The following BTBD7 variants were observed in gnomAD, a reference collection of about 807,000 sequenced individuals.
The protein encoded by BTBD7 is BTB domain containing 7.
A neutral mutation model predicts 99.9 loss-of-function variants in BTBD7; 38 were observed. That is an observed-to-expected ratio of 0.38 (90% CI 0.29 to 0.50). The LOEUF (loss-of-function observed/expected upper bound fraction) is 0.50. Among genes scored for constraint, BTBD7 ranks in the 20% least tolerant of loss-of-function variants. The pLI is 0.93. For missense variants in BTBD7, 1,170 were observed against 1,394.6 expected, an observed-to-expected ratio of 0.84 and a Z score of 2.57; for synonymous variants, 520 against 511.4, an observed-to-expected ratio of 1.02 and a Z score of -0.23.
chr14:93,283,344 T>C (rs1252187437), intron 3 of BTBD7, among the ~76,000 whole-genome samples: 2 of 152,198 alleles, frequency 1.3e-5, no homozygotes, highest in African/African-American at 2.4e-5. Flanking sequence ...TCCCAAAGTG[T>C]TGGGATTACA....
At chr14:93,303,591 T>C (rs1012546415) in intron 1 of BTBD7, among the ~76,000 whole-genome samples, 3 of 152,238 alleles carry the variant, frequency 2.0e-5, no homozygotes, top group Non-Finnish European at 2.9e-5. Flanking sequence ...TCTTAAAAGA[T>C]GTTAAAATAT....
At chr14:93,318,722 G>C (rs891420962) in intron 1 of BTBD7, among the ~76,000 whole-genome samples, 2 of 152,194 alleles carry the variant, frequency 1.3e-5, no homozygotes, top group African/African-American at 4.8e-5. Context: ...ACATCAAACT[G>C]AGAAATCATC....
At chr14:93,328,833 G>C (rs577903648) in intron 1 of BTBD7, among the ~76,000 whole-genome samples, 15 of 152,054 alleles carry the variant, frequency 9.9e-5, no homozygotes, top group Non-Finnish European at 1.8e-4. Context: ...TGTGAGGGCT[G>C]TTTGAGACCA....
intron 5 of BTBD7, among the ~76,000 whole-genome samples, chr14:93,257,879 C>A (rs1369996669): frequency 1.3e-5 from 2 of 151,006 alleles, no homozygotes; most frequent in African/African-American, 5.0e-5. Context: ...TTATGAAAAT[C>A]TCCCAAATTT....
chr14:93,324,428 A>AAAAT (rs371147922), intron 1 of BTBD7, among the ~76,000 whole-genome samples: 5 of 151,296 alleles, frequency 3.3e-5, no homozygotes, highest in Non-Finnish European at 5.9e-5. Flanking sequence ...TCTCAAAAAA[A>AAAAT]AAAAAAAGAG....
At chr14:93,282,670 ACT>A (rs1198777330) in intron 3 of BTBD7, among the ~76,000 whole-genome samples, 1 of 151,584 alleles carries the variant, frequency 6.6e-6, no homozygotes, top group Non-Finnish European at 1.5e-5. Context: ...CTGTATCTCA[ACT>A]CTGAGTTTGA....
chr14:93,270,387 C>T (rs565413717), intron 3 of BTBD7, among the ~76,000 whole-genome samples: 7 of 152,180 alleles, frequency 4.6e-5, no homozygotes, highest in East Asian at 3.9e-4. Context: ...TGAGCCACTG[C>T]GCCTGGCCAA....
chr14:93,321,962 G>A (rs569699022), intron 1 of BTBD7, among the ~76,000 whole-genome samples: 3 of 152,144 alleles, frequency 2.0e-5, no homozygotes, highest in African/African-American at 7.2e-5. Flanking sequence ...CTATGAGAAG[G>A]CCCACGGAGA....
rs2139666123 is a variant in BTBD7, at chr14:93,241,130, C to T, written c.*1143G>A. ...TTCTGTCAGTGTGACCTTTAAGTTA[C>T]TTCTCTATTTCCACTGCCTTTTTTT... On this transcript the variant is annotated 3_prime_UTR_variant, in exon 11 of 11. Transcript: ENST00000334746. 1 of 150,996 alleles carries T rather than the reference C, an allele frequency of 6.6e-6. No individual in the cohort carries two copies. Among genetic ancestry groups the T allele is most frequent in the South Asian group, 2.1e-4 (1 of 4,788 alleles). The allele number at this position is 150,996 out of a possible 1,614,324, so 9.4% of individuals were successfully genotyped here. A position where few individuals can be genotyped will look rare whatever the true frequency, so the allele number is the denominator to read the frequency against.
Position 93,242,930 on chromosome 14 carries a change from A to G in BTBD7, c.2742T>C (p.Cys914=), listed in dbSNP as rs1356904818. 2.5e-6 allele frequency: 4 copies of G among 1,614,036 alleles called. No individual in the cohort carries two copies. The South Asian group carries it at 4.4e-5, about 18-fold the overall frequency. Residue 914 remains cysteine, a synonymous_variant, in exon 11 of 11, where the codon TGT becomes TGC. Coordinates refer to ENST00000334746, the MANE Select transcript of BTBD7 (RefSeq NM_001002860.4). ...AGPGPPQHLS[C]IPQRHTHTSR... ...AAGTGTGTGTATGTCTCTGTGGAAT[A>G]CACGACAGATGCTGGGGAGGCCCTG...
rs747615760 is a variant in BTBD7 at position 93,294,247 on chromosome 14, T to C, written c.773A>G (p.Glu258Gly). Residue 258 changes from glutamate (E) to glycine (G), a missense_variant, in exon 3 of 11, where the codon GAA becomes GGA. Glu to Gly is a moderately conservative substitution (Grantham distance 98). Coordinates refer to ENST00000334746, the MANE Select transcript of BTBD7 (RefSeq NM_001002860.4). Reference protein sequence around the residue: ...DVVLSFSSDSELVEAFGGNQN... With the variant: ...DVVLSFSSDSGLVEAFGGNQN... ...ATTTCCACCAAAAGCTTCAACCAGT[T>C]CAGAGTCTGAAGAAAAACTAAGGAC... The C allele has an allele frequency of 4.3e-6, 7 of 1,613,844 alleles. No homozygotes were observed. Among genetic ancestry groups the C allele is most frequent in the Non-Finnish European group, 5.9e-6 (7 of 1,179,942 alleles).
At chr14:93,272,294 A>C (rs1256983791) in intron 3 of BTBD7, among the ~76,000 whole-genome samples, 1 of 152,208 alleles carries the variant, frequency 6.6e-6, no homozygotes, top group East Asian at 1.9e-4. Context: ...ACACAAAAAC[A>C]AACCTACATC....
intron 1 of BTBD7, among the ~76,000 whole-genome samples, chr14:93,311,169 GT>G (rs2053133935): frequency 6.6e-6 from 1 of 152,134 alleles, no homozygotes; most frequent in Non-Finnish European, 1.5e-5. Context: ...TATGTGACAG[GT>G]TTTAATCCTT....
intron 1 of BTBD7, among the ~76,000 whole-genome samples, chr14:93,321,992 A>G (rs1297274336): frequency 6.6e-6 from 1 of 152,234 alleles, no homozygotes; most frequent in Non-Finnish European, 1.5e-5. Context: ...TGGATTCCTG[A>G]AGGAAATAAA....
intron 1 of BTBD7, among the ~76,000 whole-genome samples, chr14:93,317,653 G>A (rs1440102215): frequency 6.6e-6 from 1 of 152,190 alleles, no homozygotes. Context: ...GCAGGCCTAA[G>A]ACTGCTATCT....
Position 93,333,015 on chromosome 14 carries a change from T to C in BTBD7, c.-302A>G. 1 of 524,978 alleles carries C rather than the reference T, an allele frequency of 1.9e-6. No individual in the cohort carries two copies. Among genetic ancestry groups the C allele is most frequent in the Non-Finnish European group, 3.2e-6 (1 of 308,552 alleles). 32.5% of individuals were successfully genotyped at this position (524,978 alleles called of 1,614,324 possible). On this transcript the variant is annotated 5_prime_UTR_variant, in exon 1 of 11. It removes an upstream start codon present in the reference 5' UTR. Transcript: ENST00000334746. ...CTGCTCCAGGTTCCCCTCGCCGCCA[T>C]TTTGACTCCTAGACGGAGCAGGAGG... is the stretch of plus-strand genomic sequence containing the variant.
intron 3 of BTBD7, among the ~76,000 whole-genome samples, chr14:93,291,463 C>T (rs1351977038): frequency 6.6e-6 from 1 of 152,040 alleles, no homozygotes; most frequent in Non-Finnish European, 1.5e-5. Context: ...AAAATCCTAC[C>T]TCAAGCGAGC....
At chr14:93,265,711 C>T (rs1028799635) in intron 3 of BTBD7, among the ~76,000 whole-genome samples, 1 of 152,270 alleles carries the variant, frequency 6.6e-6, no homozygotes, top group African/African-American at 2.4e-5. Context: ...CACCTGAGGT[C>T]AGGAGTTCGA....
intron 3 of BTBD7, 71 bp from the exon 4 acceptor site, chr14:93,264,064 A>G (rs1661395014): frequency 7.2e-7 from 1 of 1,386,110 alleles, no homozygotes; most frequent in African/African-American, 1.4e-5. Flanking sequence ...TGTGCTAGGC[A>G]CGATATTTAA....
Sources: allele counts gnomAD v4.1 joint callset (sites outside exome capture counted in the v4.1 genomes callset), GRCh38; gene constraint gnomAD v4.1.1; transcripts MANE v1.5; gene names NCBI Gene and HGNC (gene_info 2026-07-23, HGNC 2026-07-21).